Variants in NEDD4L observed in about 807,000 individuals in gnomAD.
NEDD4L encodes E3 ubiquitin-protein ligase NEDD4-like.
Under a neutral mutation model 148.9 loss-of-function variants are expected in NEDD4L, and 54 were observed. That is an observed-to-expected ratio of 0.36 (90% CI 0.29 to 0.45). The LOEUF is 0.45. NEDD4L is among the 20% of genes least tolerant of loss of function. The pLI is 1.00. For synonymous variants in NEDD4L, 433 were observed against 440.7 expected (o/e 0.98, Z 0.22); for missense variants, 856 against 1,233.8 (o/e 0.69, Z 4.59).
intron 5 of NEDD4L, among the ~76,000 whole-genome samples, chr18:58,286,372 T>C (rs17064679): frequency 0.43 from 65,676 of 152,062 alleles, 14,608 homozygotes; most frequent in African/African-American, 0.54. Flanking sequence ...AAAAAATTTG[T>C]TGTCCTATTC....
At chr18:58,092,917 G>A (rs1390021590) in intron 1 of NEDD4L, among the ~76,000 whole-genome samples, 1 of 147,876 alleles carries the variant, frequency 6.8e-6, no homozygotes, top group East Asian at 2.0e-4. Context: ...CTGGAGTGCA[G>A]TGGCATGATC....
chr18:58,067,383 G>A (rs1330875570), intron 1 of NEDD4L, among the ~76,000 whole-genome samples: 2 of 152,176 alleles, frequency 1.3e-5, no homozygotes, highest in Non-Finnish European at 2.9e-5. Context: ...TAGAGTCCTG[G>A]TCCAACCACT....
At chr18:58,363,221 C>G (rs2045707618) in intron 19 of NEDD4L, among the ~76,000 whole-genome samples, 1 of 152,102 alleles carries the variant, frequency 6.6e-6, no homozygotes, top group Admixed American at 6.5e-5. Context: ...GAGGGAAGTT[C>G]ATGTTCTTCA....
chr18:58,303,243 A>G (rs987114399), intron 5 of NEDD4L, among the ~76,000 whole-genome samples: 6 of 152,214 alleles, frequency 3.9e-5, no homozygotes, highest in African/African-American at 1.2e-4. Context: ...TTTGAGACAT[A>G]AAGAGTCAAA....
chr18:58,067,572 C>T (rs2082664310), intron 1 of NEDD4L, among the ~76,000 whole-genome samples: 1 of 152,090 alleles, frequency 6.6e-6, no homozygotes, highest in Non-Finnish European at 1.5e-5. Flanking sequence ...ATCTGCAGTT[C>T]CCATGGAATT....
At chr18:58,072,868 GCGCGCACACACACACA>G (rs1351841035) in intron 1 of NEDD4L, among the ~76,000 whole-genome samples, 162 of 115,880 alleles carry the variant, frequency 1.4e-3, no homozygotes, top group African/African-American at 7.1e-3. Context: ...GCGCGCGCGC[GCGCGCACACACACACA>G]CACACACACA....
chr18:58,241,202 A>T (rs963931805), intron 2 of NEDD4L, among the ~76,000 whole-genome samples: 2 of 152,210 alleles, frequency 1.3e-5, no homozygotes, highest in Non-Finnish European at 2.9e-5. Context: ...AAGTGCTACT[A>T]TTATACCCAT....
At chr18:58,287,967 C>G (rs1231269981) in intron 5 of NEDD4L, among the ~76,000 whole-genome samples, 1 of 152,162 alleles carries the variant, frequency 6.6e-6, no homozygotes, top group African/African-American at 2.4e-5. Context: ...GTTCATACTT[C>G]AGATTCATAT....
At chr18:58,208,514 T>G (rs2042193991) in intron 2 of NEDD4L, among the ~76,000 whole-genome samples, 1 of 152,198 alleles carries the variant, frequency 6.6e-6, no homozygotes, top group African/African-American at 2.4e-5. Context: ...CATTTTCAAG[T>G]TCCCCAGGCC....
At chr18:58,067,125 C>G (rs2082640878) in intron 1 of NEDD4L, among the ~76,000 whole-genome samples, 1 of 152,122 alleles carries the variant, frequency 6.6e-6, no homozygotes, top group African/African-American at 2.4e-5. Context: ...CGAGAAAGAT[C>G]AACAGCAGAA....
In NEDD4L at chr18:58,256,633, G is replaced by A. The variant is rs1690191451; in HGVS notation, c.297+4579G>A. 3.2e-6 allele frequency: 4 copies of A among 1,232,248 alleles called. No homozygotes were observed. The highest frequency in any genetic ancestry group is 3.0e-6 in the Non-Finnish European group (3 of 988,038). 76.3% of individuals were successfully genotyped at this position (1,232,248 alleles called of 1,614,324 possible). On this transcript the variant is annotated intron_variant, in intron 5 of 30. Coordinates refer to ENST00000400345, the MANE Select transcript of NEDD4L (RefSeq NM_001144967.3). The surrounding 1 kb of genome is among the most constrained non-coding windows in gnomAD (Gnocchi z 5.2). ...CGGAGAGGACTCCGCAGGGCCAGGGGTGCACATTTAAGATCAGGCAGGATC... is the reference window on the plus strand; with the variant it reads ...CGGAGAGGACTCCGCAGGGCCAGGGATGCACATTTAAGATCAGGCAGGATC...
Position 58,344,106 on chromosome 18 carries a change from G to A in NEDD4L, c.1575+1003G>A, listed in dbSNP as rs952052316. Among the ~76,000 whole-genome samples, 11 of 152,222 alleles carry A rather than the reference G, an allele frequency of 7.2e-5. 1 individual carries two copies. The South Asian group carries it at 1.0e-3, about 14-fold the overall frequency. ...TGATTGTTATTGGCCCTAGCTCTTC[G>A]GTCTTGGACCAACAATAAACATACA... On this transcript the variant is annotated intron_variant, in intron 16 of 30. Transcript: ENST00000400345.
At position 58,115,091 on chromosome 18, in the gene NEDD4L, G is replaced by A. The variant is rs528767685; in HGVS notation, c.49-50697G>A. Among the ~76,000 whole-genome samples, 4 of 152,168 alleles carry A rather than the reference G, an allele frequency of 2.6e-5. No homozygotes were observed. The South Asian group carries it at 6.2e-4, about 24-fold the overall frequency. ...TAGGACTCGCGCATCTTGGGGGACC[G>A]TCATTCCACCTGCGGCAGTGGTAGG... is the stretch of plus-strand genomic sequence containing the variant. On this transcript the variant is annotated intron_variant, in intron 1 of 30. Coordinates refer to ENST00000400345, the MANE Select transcript of NEDD4L (RefSeq NM_001144967.3).
At chr18:58,134,825 C>T (rs2032649038) in intron 1 of NEDD4L, among the ~76,000 whole-genome samples, 1 of 146,462 alleles carries the variant, frequency 6.8e-6, no homozygotes, top group South Asian at 2.1e-4. Context: ...GGGGAGGAAC[C>T]TGGGAGCTAC....
chr18:58,336,932 T>C (rs3865418), intron 13 of NEDD4L, among the ~76,000 whole-genome samples: 74,665 of 152,050 alleles, frequency 0.49, 18,715 homozygotes, highest in East Asian at 0.66. Context: ...GAGATAATTT[T>C]AGTTGAATTC....
rs369631481 is a variant in NEDD4L, at chr18:58,120,554, CG to C, written c.49-45232del. Among the ~76,000 whole-genome samples, 9 of 152,016 alleles carry C rather than the reference CG, an allele frequency of 5.9e-5. 1 individual carries two copies. The highest frequency in any genetic ancestry group is 2.2e-4 in the African/African-American group (9 of 41,470). Reference sequence around the variant, plus strand: ...CAGCACGTTGGGAGGCTGAGGCGGGCGGATCACGAGGTCAGGAGATCGAGAC... The same window carrying C: ...CAGCACGTTGGGAGGCTGAGGCGGGCGATCACGAGGTCAGGAGATCGAGAC... On this transcript the variant is annotated intron_variant, in intron 1 of 30. Coordinates refer to ENST00000400345, the MANE Select transcript of NEDD4L (RefSeq NM_001144967.3).
At chr18:58,331,749 A>G (rs903952890) in intron 11 of NEDD4L, among the ~76,000 whole-genome samples, 2 of 151,422 alleles carry the variant, frequency 1.3e-5, no homozygotes, top group Admixed American at 6.6e-5. Flanking sequence ...ATGGCATCCT[A>G]AAAAAAAATA....
intron 13 of NEDD4L, among the ~76,000 whole-genome samples, chr18:58,338,761 C>T (rs1188056519): frequency 2.0e-5 from 3 of 152,072 alleles, no homozygotes; most frequent in Non-Finnish European, 4.4e-5. Flanking sequence ...ACTAAAAATA[C>T]AAAAATTAGC....
At chr18:58,130,936 G>C (rs1214754117) in intron 1 of NEDD4L, among the ~76,000 whole-genome samples, 9 of 143,570 alleles carry the variant, frequency 6.3e-5, no homozygotes, top group South Asian at 4.7e-4. Flanking sequence ...GTTGGGCTCT[G>C]TTGGGGTTTG....
Sources: gnomAD v4.1 joint callset for allele counts (sites outside exome capture counted in the v4.1 genomes callset) on GRCh38, gnomAD v4.1.1 for gene constraint, Gnocchi (gnomAD v3.1) non-coding constraint, MANE v1.5 for transcripts, NCBI Gene and HGNC (gene_info 2026-07-23, HGNC 2026-07-21) for gene names.